FARS2: variants seen among roughly 807,000 people sequenced by gnomAD.
The protein encoded by FARS2 is phenylalanine--tRNA ligase, mitochondrial.
FARS2 carries 40 observed loss-of-function variants against 46.4 expected under a neutral mutation model. The ratio of observed to expected loss-of-function variants is 0.86; its 90% CI spans 0.67 to 1.12. FARS2 has a LOEUF of 1.12. FARS2 is among the 50% of genes most tolerant of loss of function. FARS2 has a pLI of 0.00. For missense variants in FARS2, 513 were observed against 567.9 expected, an observed-to-expected ratio of 0.90 and a Z score of 0.98; for synonymous variants, 234 against 214.9, an observed-to-expected ratio of 1.09 and a Z score of -0.78.
chr6:5,434,152 C>T (rs763862085), intron 4 of FARS2, among the ~76,000 whole-genome samples: 1 of 152,132 alleles, frequency 6.6e-6, no homozygotes, highest in Non-Finnish European at 1.5e-5. Context: ...CTCTGTTGCC[C>T]AGGCTGGAGT....
chr6:5,596,261 C>A (rs1446360248), intron 5 of FARS2, among the ~76,000 whole-genome samples: 2 of 152,174 alleles, frequency 1.3e-5, no homozygotes, highest in Non-Finnish European at 2.9e-5. Context: ...GAGTCACACG[C>A]ACCTCTGCTT....
chr6:5,719,430 A>G (rs1185928183), intron 6 of FARS2, among the ~76,000 whole-genome samples: 1 of 109,244 alleles, frequency 9.2e-6, no homozygotes. Flanking sequence ...AAAGAAAAAG[A>G]AAGGAAAGAA....
intron 4 of FARS2, among the ~76,000 whole-genome samples, chr6:5,528,552 A>G (rs941005089): frequency 5.3e-5 from 8 of 152,196 alleles, no homozygotes; most frequent in Admixed American, 4.6e-4. Context: ...GGAGTTACGC[A>G]TACCTGGGTT....
the FARS2 span, among the ~76,000 whole-genome samples, chr6:5,253,391 GGTTAT>G: frequency 6.6e-6 from 1 of 150,872 alleles, no homozygotes; most frequent in African/African-American, 2.4e-5. Context: ...AAATAAATGT[GGTTAT>G]GTTATACATC....
intron 6 of FARS2, among the ~76,000 whole-genome samples, chr6:5,746,738 G>A (rs1761668466): frequency 6.6e-6 from 1 of 152,126 alleles, no homozygotes; most frequent in African/African-American, 2.4e-5. Flanking sequence ...GCATGGAACT[G>A]TGCACATCAC....
At chr6:5,649,581 T>A (rs1777244133) in intron 6 of FARS2, among the ~76,000 whole-genome samples, 1 of 152,202 alleles carries the variant, frequency 6.6e-6, no homozygotes, top group African/African-American at 2.4e-5. Context: ...GACCAGATAT[T>A]ATACTTAATG....
intron 1 of FARS2, among the ~76,000 whole-genome samples, chr6:5,362,927 C>CTTTTT (rs55686418): frequency 4.4e-4 from 55 of 124,188 alleles, no homozygotes; most frequent in Non-Finnish European, 6.1e-4. Flanking sequence ...TTCTTTCTTT[C>CTTTTT]TTTTTTTTTT....
chr6:5,613,151 C>A lies in FARS2; in HGVS notation c.1066-18C>A. 1.2e-6 allele frequency: 2 copies of A among 1,604,154 alleles called. No individual in the cohort carries two copies. The highest frequency in any genetic ancestry group is 1.3e-5 in the African/African-American group (1 of 74,656). ...CAACTAACAAGTTCATGTATCTTTT[C>A]TCCTCTTGTTTTGTTAGCCTCTTAG... On this transcript the variant is annotated intron_variant, in intron 5 of 6. Transcript: ENST00000274680.
intron 4 of FARS2, among the ~76,000 whole-genome samples, chr6:5,497,746 A>T (rs1034964581): frequency 6.6e-6 from 1 of 152,190 alleles, no homozygotes; most frequent in African/African-American, 2.4e-5. Flanking sequence ...GGGTAATTTT[A>T]TTATTCTTTT....
intron 2 of FARS2, among the ~76,000 whole-genome samples, chr6:5,403,215 A>G (rs1761363031): frequency 1.3e-5 from 2 of 152,174 alleles, no homozygotes; most frequent in East Asian, 3.9e-4. Flanking sequence ...AGTTAGAGGA[A>G]GTATGTCTGG....
At chr6:5,708,108 T>C (rs1271766751) in intron 6 of FARS2, among the ~76,000 whole-genome samples, 2 of 152,012 alleles carry the variant, frequency 1.3e-5, no homozygotes. Flanking sequence ...CATGGTGTGG[T>C]TGTAGAACAG....
intron 6 of FARS2, among the ~76,000 whole-genome samples, chr6:5,640,806 A>C (rs1480974488): frequency 6.6e-6 from 1 of 152,212 alleles, no homozygotes; most frequent in Non-Finnish European, 1.5e-5. Context: ...AATTCCTGAC[A>C]AACACCTTTC....
chr6:5,429,813 A>G (rs1763060684), intron 3 of FARS2, among the ~76,000 whole-genome samples: 1 of 152,138 alleles, frequency 6.6e-6, no homozygotes, highest in Admixed American at 6.5e-5. Context: ...ATCCTATCAA[A>G]CAACACAAAA....
intron 6 of FARS2, among the ~76,000 whole-genome samples, chr6:5,693,937 A>G (rs1435508393): frequency 1.3e-5 from 2 of 152,218 alleles, no homozygotes; most frequent in African/African-American, 4.8e-5. Context: ...GAAGTCACAT[A>G]GCATCATTTC....
At chr6:5,742,572 C>T (rs1291894737) in intron 6 of FARS2, among the ~76,000 whole-genome samples, 1 of 151,892 alleles carries the variant, frequency 6.6e-6, no homozygotes, top group East Asian at 1.9e-4. Flanking sequence ...TACAAAGTTT[C>T]CTCTTATTTT....
At chr6:5,482,101 G>T (rs373357087) in intron 4 of FARS2, among the ~76,000 whole-genome samples, 1,896 of 151,758 alleles carry the variant, frequency 0.012, 58 homozygotes, top group African/African-American at 0.044. Flanking sequence ...TAAGTAAATG[G>T]TAATATCTAT....
intron 4 of FARS2, among the ~76,000 whole-genome samples, chr6:5,534,904 T>C (rs984217670): frequency 6.9e-6 from 1 of 144,394 alleles, no homozygotes; most frequent in Non-Finnish European, 1.6e-5. Flanking sequence ...TGCTGGGTGA[T>C]ATGGTCAAAT....
chr6:5,289,717 G>T (rs1313548986), intron 1 of FARS2, among the ~76,000 whole-genome samples: 1 of 152,182 alleles, frequency 6.6e-6, no homozygotes, highest in African/African-American at 2.4e-5. Flanking sequence ...ATGAAGACTT[G>T]GCCTGTGACC....
At chr6:5,309,782 A>G (rs1768964433) in intron 1 of FARS2, among the ~76,000 whole-genome samples, 1 of 152,222 alleles carries the variant, frequency 6.6e-6, no homozygotes, top group Non-Finnish European at 1.5e-5. Context: ...CCAATAATCA[A>G]TGAAATCCTA....
Sources: allele counts gnomAD v4.1 joint callset (sites outside exome capture counted in the v4.1 genomes callset), GRCh38; gene constraint gnomAD v4.1.1; transcripts MANE v1.5; gene names NCBI Gene and HGNC (gene_info 2026-07-23, HGNC 2026-07-21).